Variants in SLC24A3 observed in about 807,000 individuals in gnomAD.
SLC24A3 encodes sodium/potassium/calcium exchanger 3.
Under a neutral mutation model 75.8 loss-of-function variants are expected in SLC24A3, and 28 were observed. That is an observed-to-expected ratio of 0.37 (90% CI 0.27 to 0.51). SLC24A3 has a LOEUF of 0.51. Among genes scored for constraint, SLC24A3 ranks in the 20% least tolerant of loss-of-function variants. The probability of loss-of-function intolerance (pLI) is 0.94; values close to 1 mark genes in which losing one functional copy is unlikely to be tolerated. For synonymous variants in SLC24A3, 372 were observed against 334.1 expected, an observed-to-expected ratio of 1.11 and a Z score of -1.24; for missense variants, 663 against 847.8, an observed-to-expected ratio of 0.78 and a Z score of 2.71.
At chr20:19,451,909 A>G (rs747420394) in intron 2 of SLC24A3, among the ~76,000 whole-genome samples, 7 of 152,192 alleles carry the variant, frequency 4.6e-5, no homozygotes, top group East Asian at 1.9e-4. Context: ...TTCAGCCCCA[A>G]TAAAGTGAAA....
At position 19,318,496 on chromosome 20, in the gene SLC24A3, G is replaced by A. The variant is rs74802527; in HGVS notation, c.271+37409G>A. On this transcript the variant is annotated intron_variant, in intron 2 of 16. Transcript: ENST00000328041. ...CCTCATCCCTAGTACTGATGTTCACGACTCTTCCAGAAAAGCCGAGTTAGC... is the reference window on the plus strand; with the variant it reads ...CCTCATCCCTAGTACTGATGTTCACAACTCTTCCAGAAAAGCCGAGTTAGC... 5.4e-4 allele frequency among the ~76,000 whole-genome samples: 82 copies of A among 152,266 alleles called. No individual in the cohort carries two copies. The East Asian group carries it at 0.015, about 27-fold the overall frequency.
At chr20:19,241,561 T>C (rs1393047629) in intron 1 of SLC24A3, among the ~76,000 whole-genome samples, 2 of 152,236 alleles carry the variant, frequency 1.3e-5, no homozygotes, top group African/African-American at 4.8e-5. Context: ...CTGAATTCTT[T>C]TCAAAAATTG....
chr20:19,713,172 T>C (rs573819879), intron 15 of SLC24A3, among the ~76,000 whole-genome samples: 19 of 151,986 alleles, frequency 1.3e-4, no homozygotes, highest in African/African-American at 4.3e-4. Context: ...CAGGCAGGAG[T>C]GCTGAGGGGT....
At chr20:19,327,939 A>G (rs1209130398) in intron 2 of SLC24A3, among the ~76,000 whole-genome samples, 5 of 151,752 alleles carry the variant, frequency 3.3e-5, no homozygotes, top group African/African-American at 9.7e-5. Context: ...AAGACAAACA[A>G]AAACATGCAC....
At chr20:19,681,803 G>C in intron 9 of SLC24A3, 55 bp from the exon 10 acceptor site, 2 of 1,611,594 alleles carry the variant, frequency 1.2e-6, no homozygotes, top group Admixed American at 3.3e-5. Flanking sequence ...TGGGAGTTGA[G>C]AAATGGGAGA....
At chr20:19,714,113 C>T (rs970520300) in intron 15 of SLC24A3, among the ~76,000 whole-genome samples, 2 of 152,146 alleles carry the variant, frequency 1.3e-5, no homozygotes, top group African/African-American at 4.8e-5. Context: ...TTTACAAAGA[C>T]AGGCTGGAGC....
intron 2 of SLC24A3, among the ~76,000 whole-genome samples, chr20:19,494,782 G>T (rs1202691670): frequency 2.0e-5 from 3 of 152,160 alleles, no homozygotes; most frequent in African/African-American, 7.2e-5. Flanking sequence ...ATCCCGAAAA[G>T]GCTAGAGGAC....
intron 1 of SLC24A3, among the ~76,000 whole-genome samples, chr20:19,231,978 C>T (rs1252304633): frequency 2.0e-5 from 3 of 152,240 alleles, no homozygotes; most frequent in African/African-American, 7.2e-5. Context: ...TTGGTGCATT[C>T]ATGGCTGTAT....
At chr20:19,557,594 T>C (rs910975076) in intron 3 of SLC24A3, among the ~76,000 whole-genome samples, 4 of 152,234 alleles carry the variant, frequency 2.6e-5, no homozygotes, top group African/African-American at 9.6e-5. Context: ...TGGTGTTGTT[T>C]TCTAGTTAGA....
chr20:19,696,958 AGAGGGAGGGAAGAAGGGAGG>A (rs2032814667), intron 14 of SLC24A3, 47 bp downstream of exon 14: 1 of 393,414 alleles, frequency 2.5e-6, no homozygotes, highest in Non-Finnish European at 5.0e-6. Flanking sequence ...AGGGAGGAGG[AGAGGGAGGGAAGAAGGGAGG>A]GAGGGAGGGA....
chr20:19,684,448 C>T, intron 11 of SLC24A3, 112 bp downstream of exon 11: 6 of 1,192,318 alleles, frequency 5.0e-6, no homozygotes, highest in Non-Finnish European at 7.0e-6. Context: ...TTTAACACCG[C>T]AGCATCCCTC....
chr20:19,272,841 GA>G (rs1313019335), intron 1 of SLC24A3, among the ~76,000 whole-genome samples: 1 of 152,096 alleles, frequency 6.6e-6, no homozygotes, highest in Non-Finnish European at 1.5e-5. Context: ...ACACAGCTAA[GA>G]AAAAAACATA....
chr20:19,223,962 T>C (rs1981803639), intron 1 of SLC24A3, among the ~76,000 whole-genome samples: 2 of 152,242 alleles, frequency 1.3e-5, no homozygotes. Flanking sequence ...TTTTATCACA[T>C]TACTCAGAAT....
At chr20:19,320,040 C>A (rs1459298972) in intron 2 of SLC24A3, among the ~76,000 whole-genome samples, 1 of 152,178 alleles carries the variant, frequency 6.6e-6, no homozygotes, top group East Asian at 1.9e-4. Context: ...AAAGCTGGAT[C>A]CATACAGCTT....
chr20:19,512,114 T>C (rs560056282), intron 2 of SLC24A3, among the ~76,000 whole-genome samples: 11 of 152,316 alleles, frequency 7.2e-5, no homozygotes, highest in African/African-American at 2.6e-4. Flanking sequence ...ACACACTTCC[T>C]CATGGCCAGC....
At chr20:19,333,966 T>TA (rs1985066030) in intron 2 of SLC24A3, among the ~76,000 whole-genome samples, 1 of 151,126 alleles carries the variant, frequency 6.6e-6, no homozygotes. Context: ...GTGAGTATAC[T>TA]AAAAAAGGGT....
intron 12 of SLC24A3, 41 bp from the exon 13 acceptor site, chr20:19,693,218 A>ATTAT (rs1555807548): frequency 2.7e-5 from 39 of 1,464,622 alleles, no homozygotes; most frequent in East Asian, 2.2e-4. Context: ...GTTCTTTGTT[A>ATTAT]TTTTTTTTTT....
At chr20:19,359,830 A>T (rs529998059) in intron 2 of SLC24A3, among the ~76,000 whole-genome samples, 2 of 152,172 alleles carry the variant, frequency 1.3e-5, no homozygotes, top group South Asian at 4.2e-4. Flanking sequence ...ACCCATAGGG[A>T]GTGTTACCAC....
intron 1 of SLC24A3, among the ~76,000 whole-genome samples, chr20:19,249,633 G>A (rs748620063): frequency 1.3e-5 from 2 of 152,082 alleles, no homozygotes. Flanking sequence ...TGTGAAATGG[G>A]TTTATCGCTG....
Sources: gnomAD v4.1 joint callset for allele counts (sites outside exome capture counted in the v4.1 genomes callset) on GRCh38, gnomAD v4.1.1 for gene constraint, MANE v1.5 for transcripts, NCBI Gene and HGNC (gene_info 2026-07-23, HGNC 2026-07-21) for gene names.